The following IRAG2 variants were observed in gnomAD, a reference collection of about 807,000 sequenced individuals.
The protein encoded by IRAG2 is inositol 1,4,5-triphosphate receptor associated 2.
In IRAG2, 45 loss-of-function variants were observed where a neutral mutation model predicts 69.9. The ratio of observed to expected loss-of-function variants is 0.64; its 90% confidence interval spans 0.51 to 0.83. The LOEUF is 0.83. Ranked by LOEUF, IRAG2 falls within the 40% of genes least tolerant of loss-of-function variation. The pLI is 0.00. For missense variants in IRAG2, 520 were observed against 587.0 expected (o/e 0.89, Z 1.18); for synonymous variants, 193 against 202.4 (o/e 0.95, Z 0.40).
chr12:25,053,516 A>G (rs1938340806), intron 1 of IRAG2, among the ~76,000 whole-genome samples: 1 of 151,936 alleles, frequency 6.6e-6, no homozygotes, highest in African/African-American at 2.4e-5. Context: ...AAATTGGAAT[A>G]TTTGTCATTT....
chr12:25,041,466 G>C (rs939715738), intron 16 of IRAG2, among the ~76,000 whole-genome samples: 1 of 151,884 alleles, frequency 6.6e-6, no homozygotes, highest in South Asian at 2.1e-4. Flanking sequence ...GATGAGTAAG[G>C]AGAGTTTTCT....
rs1193078010 is a variant in IRAG2, at chr12:25,077,187, T to TATATATATGAAATATATATATG, written c.25-2037_25-2016dup. ...CCTTGTTCATTTCATATATATATGA[T>TATATATATGAAATATATATATG]ATATATATGAAATATATATATGATA... On this transcript the variant is annotated intron_variant, in intron 6 of 21. Coordinates refer to ENST00000556887, the MANE Select transcript of IRAG2 (RefSeq NM_001366544.2). 1.1e-4 allele frequency among the ~76,000 whole-genome samples: 7 copies of TATATATATGAAATATATATATG among 63,206 alleles called. 2 individuals carry two copies. Among genetic ancestry groups the TATATATATGAAATATATATATG allele is most frequent in the South Asian group, 1.2e-3 (2 of 1,632 alleles). The allele number at this position is 63,206 out of a possible 152,430, so 41.5% of individuals were successfully genotyped here. A position where few individuals can be genotyped will look rare whatever the true frequency, so the allele number is the denominator to read the frequency against.
At chr12:25,104,237 G>C (rs1948911113) in intron 19 of IRAG2, 124 bp from the exon 20 acceptor site, 1 of 791,034 alleles carries the variant, frequency 1.3e-6, no homozygotes, top group East Asian at 2.9e-5. Flanking sequence ...GGAGATCTGT[G>C]AATGTGCCAA....
rs1944480147 is a variant in IRAG2 at position 25,012,143 on chromosome 12, C to CTTTTTTTTTTTTTTT, written c.896+592_896+593insTTTTTTTTTTTTTTT. 7.5e-4 allele frequency among the ~76,000 whole-genome samples: 18 copies of CTTTTTTTTTTTTTTT among 24,096 alleles called. 9 individuals carry two copies. Among genetic ancestry groups the CTTTTTTTTTTTTTTT allele is most frequent in the Non-Finnish European group, 8.2e-4 (6 of 7,326 alleles). 15.8% of individuals were successfully genotyped at this position (24,096 alleles called of 152,430 possible). A position where few individuals can be genotyped will look rare whatever the true frequency, so the allele number is the denominator to read the frequency against. ...GTCTTCTTCCACAGAAAGCGAATTCCCTTTTTTTTTTTTTTTTTTTTTTTT... is the reference window on the plus strand; with the variant it reads ...GTCTTCTTCCACAGAAAGCGAATTCCTTTTTTTTTTTTTTTCTTTTTTTTTTTTTTTTTTTTTTTT... On this transcript the variant is annotated intron_variant, in intron 3 of 38. Coordinates refer to the IRAG2 transcript ENST00000636465.
At chr12:25,077,242 AATAT>A (rs1421908752) in intron 6 of IRAG2, among the ~76,000 whole-genome samples, 1 of 87,446 alleles carries the variant, frequency 1.1e-5, no homozygotes, top group Non-Finnish European at 2.3e-5. Context: ...ATATATATGA[AATAT>A]ATATATGATA....
At position 25,017,066 on chromosome 12, in the gene IRAG2, G is replaced by A. The variant is rs1459301783; in HGVS notation, c.1056-68G>A. On this transcript the variant is annotated intron_variant, in intron 5 of 38. Transcript: ENST00000636465. ...ATATCAAAGTTTGGTTTGTTTAACC[G>A]TATACCTTATTTTATTAGAAGGAAT... The A allele has an allele frequency of 1.7e-5, 20 of 1,174,080 alleles. No individual in the cohort carries two copies. In the East Asian group the frequency reaches 4.2e-4, roughly 24 times the overall value. 72.7% of individuals were successfully genotyped at this position (1,174,080 alleles called of 1,614,324 possible).
At chr12:25,094,534 T>C (rs1428248535) in intron 14 of IRAG2, among the ~76,000 whole-genome samples, 2 of 152,136 alleles carry the variant, frequency 1.3e-5, no homozygotes, top group Non-Finnish European at 2.9e-5. Flanking sequence ...TTTTCAAAAG[T>C]GTTTTGGCTA....
chr12:25,085,319 GA>G (rs2140139606), intron 10 of IRAG2, among the ~76,000 whole-genome samples: 1 of 152,220 alleles, frequency 6.6e-6, no homozygotes, highest in African/African-American at 2.4e-5. Context: ...TGCGGAGCCA[GA>G]AGGGGGGATG....
chr12:25,098,120 AC>A (rs1055599373), intron 15 of IRAG2, among the ~76,000 whole-genome samples: 9 of 151,918 alleles, frequency 5.9e-5, no homozygotes, highest in Non-Finnish European at 8.8e-5. Flanking sequence ...CTCATCACTT[AC>A]CCCTTTCTTG....
chr12:25,105,543 T>C (rs923970813), intron 20 of IRAG2, among the ~76,000 whole-genome samples: 1 of 152,198 alleles, frequency 6.6e-6, no homozygotes, highest in Admixed American at 6.5e-5. Context: ...ATAATCTGTT[T>C]TGGTTTTTTT....
At chr12:25,027,091 A>G (rs12813907) in intron 9 of IRAG2, among the ~76,000 whole-genome samples, 3,693 of 151,948 alleles carry the variant, frequency 0.024, 59 homozygotes, top group Non-Finnish European at 0.036. Flanking sequence ...AATTTCATCA[A>G]CTTAAAGTAT....
At position 25,107,880 on chromosome 12, in the gene IRAG2, C is replaced by T; in HGVS notation, c.1320C>T (p.Ala440=). 1.2e-6 allele frequency: 2 copies of T among 1,614,106 alleles called. No individual in the cohort carries two copies. Among genetic ancestry groups the T allele is most frequent in the African/African-American group, 2.7e-5 (2 of 75,036 alleles). The change falls in exon 22 of 22, where the codon GCC becomes GCT. Residue 440 remains alanine, a synonymous_variant. Transcript: ENST00000556887. The stretch of plus-strand genomic sequence containing the variant: ...CCTCCATCAGAAAGGCTAATAAGGC[C>T]CTCTGGCTCTCTATTGCATTCATTG... ...LKSSIRKANK[A]LWLSIAFIVL...
Position 25,108,277 on chromosome 12 carries a change from A to G in IRAG2, c.*217A>G. 7.0e-6 allele frequency: 4 copies of G among 571,228 alleles called. No homozygotes were observed. The South Asian group carries it at 1.2e-4, about 17-fold the overall frequency. 35.4% of individuals were successfully genotyped at this position (571,228 alleles called of 1,614,324 possible). A position where few individuals can be genotyped will look rare whatever the true frequency, so the allele number is the denominator to read the frequency against. On this transcript the variant is annotated 3_prime_UTR_variant, in exon 22 of 22. Transcript: ENST00000556887. The stretch of plus-strand genomic sequence containing the variant: ...GATCTTTGAATGAGCTTTTTAAGGA[A>G]GAAATATTATATATTGTTTGTTAAA...
intron 15 of IRAG2, 114 bp from the exon 16 acceptor site, chr12:25,101,060 CATTT>C (rs1948727193): frequency 1.3e-6 from 1 of 753,848 alleles, no homozygotes; most frequent in African/African-American, 1.8e-5. Context: ...AAAAAAAAAA[CATTT>C]ATTGCCACTT....
At chr12:25,043,774 T>C (rs528193660) in intron 16 of IRAG2, among the ~76,000 whole-genome samples, 1 of 152,266 alleles carries the variant, frequency 6.6e-6, no homozygotes, top group East Asian at 1.9e-4. Context: ...ATGTGAAGAC[T>C]GGGAGAGTTG....
chr12:25,052,535 G>A (rs181008530), upstream of IRAG2: 48 of 396,878 alleles, frequency 1.2e-4, no homozygotes, highest in East Asian at 1.1e-3. Context: ...TAAGAGAGGC[G>A]GTATCAACAG....
chr12:25,055,863 T>G (rs11047789), intron 1 of IRAG2, among the ~76,000 whole-genome samples: 1 of 152,188 alleles, frequency 6.6e-6, no homozygotes, highest in South Asian at 2.1e-4. Context: ...ACAGAAATCA[T>G]GGACTAATTG....
intron 15 of IRAG2, chr12:25,100,752 T>C (rs1948706856): frequency 6.5e-6 from 1 of 153,294 alleles, no homozygotes; most frequent in African/African-American, 2.4e-5. Context: ...CAACTGTATG[T>C]AGTCTTTCAC....
At chr12:25,063,237 AT>A (rs1307257901) in intron 3 of IRAG2, among the ~76,000 whole-genome samples, 3 of 152,082 alleles carry the variant, frequency 2.0e-5, no homozygotes, top group Non-Finnish European at 4.4e-5. Flanking sequence ...TAATTTTTGT[AT>A]TTTTAGTAGA....
Sources: gnomAD v4.1 joint callset for allele counts (sites outside exome capture counted in the v4.1 genomes callset) on GRCh38, gnomAD v4.1.1 for gene constraint, MANE v1.5 for transcripts, NCBI Gene and HGNC (gene_info 2026-07-23, HGNC 2026-07-21) for gene names.